C11orf65: variants seen among roughly 807,000 people sequenced by gnomAD.
The protein encoded by C11orf65 is protein MFI.
A neutral mutation model predicts 35.3 loss-of-function variants in C11orf65; 38 were observed. That is an observed-to-expected ratio of 1.08 (90% CI 0.83 to 1.41). The LOEUF (loss-of-function observed/expected upper bound fraction) is 1.41. C11orf65 is among the 40% of genes most tolerant of loss of function. The pLI is 0.00. For missense variants in C11orf65, 370 were observed against 367.1 expected (o/e 1.01, Z -0.06); for synonymous variants, 105 against 114.4 (o/e 0.92, Z 0.53).
intron 2 of C11orf65, among the ~76,000 whole-genome samples, chr11:108,356,666 G>A (rs1054999177): frequency 6.6e-6 from 1 of 152,006 alleles, no homozygotes; most frequent in Non-Finnish European, 1.5e-5. Context: ...GGTGGATTTG[G>A]GAGTTTCTTC....
chr11:108,394,179 CAAAAAA>C (rs11387098), intron 6 of C11orf65, among the ~76,000 whole-genome samples: 1 of 82,662 alleles, frequency 1.2e-5, no homozygotes, highest in Admixed American at 1.4e-4. Context: ...GACTCCATCT[CAAAAAA>C]AAAAAAAAAA....
At chr11:108,427,441 G>C (rs1204681355) in intron 3 of C11orf65, among the ~76,000 whole-genome samples, 3 of 152 alleles carry the variant, frequency 0.02, no homozygotes, top group African/African-American at 0.083. Context: ...AAAAAGCTCG[G>C]CCGGGCGCGG....
At chr11:108,467,259 G>A (rs1383669869) in intron 1 of C11orf65, among the ~76,000 whole-genome samples, 2 of 152,236 alleles carry the variant, frequency 1.3e-5, no homozygotes, top group African/African-American at 2.4e-5. Flanking sequence ...CTGAGGAAGG[G>A]GTTACTCCCG....
intron 6 of C11orf65, chr11:108,325,578 C>G (rs770271751): frequency 6.6e-7 from 1 of 1,505,588 alleles, no homozygotes; most frequent in Non-Finnish European, 9.2e-7. Context: ...CATCTTACCT[C>G]TTGACTTTCC....
At chr11:108,465,693 A>T (rs72992182) in intron 1 of C11orf65, among the ~76,000 whole-genome samples, 29,751 of 128,840 alleles carry the variant, frequency 0.23, 3,350 homozygotes, top group African/African-American at 0.34. Context: ...GTTTTTTTTT[A>T]AAAAAAAAAG....
intron 2 of C11orf65, among the ~76,000 whole-genome samples, chr11:108,351,752 T>C (rs762083474): frequency 6.6e-6 from 1 of 152,246 alleles, no homozygotes; most frequent in African/African-American, 2.4e-5. Context: ...TGTCATCACA[T>C]AGTCATGTCA....
At chr11:108,346,204 A>G (rs2088368702) in intron 2 of C11orf65, among the ~76,000 whole-genome samples, 1 of 152,100 alleles carries the variant, frequency 6.6e-6, no homozygotes, top group East Asian at 1.9e-4. Context: ...TCCTCTCAAT[A>G]TATTATTTTC....
intron 2 of C11orf65, among the ~76,000 whole-genome samples, chr11:108,371,650 A>G (rs2091579615): frequency 1.3e-5 from 2 of 152,208 alleles, no homozygotes; most frequent in African/African-American, 4.8e-5. Context: ...CCATCAGTGG[A>G]TACTAGAGTT....
Position 108,316,066 on chromosome 11 carries a change from C to T in C11orf65, c.641-6995G>A, listed in dbSNP as rs1591779081. On this transcript the variant is annotated intron_variant, in intron 6 of 6. Transcript: ENST00000525729. ...GGGCAAAGCCCTAGTAACATATGAC[C>T]TCGAAACAGCAATCCCCTCATCAAC... 2 of 1,614,096 alleles carry T rather than the reference C, an allele frequency of 1.2e-6. No homozygotes were observed. The highest frequency in any genetic ancestry group is 1.7e-6 in the Non-Finnish European group (2 of 1,180,010).
chr11:108,364,840 C>T (rs1350639570), intron 2 of C11orf65, among the ~76,000 whole-genome samples: 3 of 152,156 alleles, frequency 2.0e-5, no homozygotes, highest in Non-Finnish European at 4.4e-5. Context: ...AGTCAGGAAA[C>T]ATGGGTCAAG....
chr11:108,453,989 A>G (rs2093383076), intron 2 of C11orf65, among the ~76,000 whole-genome samples: 1 of 152,140 alleles, frequency 6.6e-6, no homozygotes, highest in Non-Finnish European at 1.5e-5. Flanking sequence ...TTTCTTCTTT[A>G]AATATTTAGT....
intron 2 of C11orf65, among the ~76,000 whole-genome samples, chr11:108,440,981 G>A (rs1479444292): frequency 6.6e-6 from 1 of 152,194 alleles, no homozygotes; most frequent in Non-Finnish European, 1.5e-5. Flanking sequence ...TTGTCAGACA[G>A]TGGGTGCAGC....
intron 6 of C11orf65, among the ~76,000 whole-genome samples, chr11:108,318,384 A>T (rs761323337): frequency 1.4e-4 from 21 of 151,520 alleles, no homozygotes; most frequent in Non-Finnish European, 2.9e-4. Flanking sequence ...TAAAATAAAA[A>T]AAATAATATG....
chr11:108,355,829 T>C (rs1043851092), intron 2 of C11orf65: 3 of 152,238 alleles, frequency 2.0e-5, no homozygotes, highest in African/African-American at 7.2e-5. Flanking sequence ...CTGTGGTCAA[T>C]AAGGGTGGGG....
At chr11:108,334,039 T>G in intron 3 of C11orf65, 1 of 1,216,952 alleles carries the variant, frequency 8.2e-7, no homozygotes, top group Non-Finnish European at 1.2e-6. Context: ...TTTGAAATAG[T>G]ATTTTTATGT....
At chr11:108,416,357 G>A (rs965259431) in intron 3 of C11orf65, among the ~76,000 whole-genome samples, 2 of 152,202 alleles carry the variant, frequency 1.3e-5, no homozygotes, top group South Asian at 2.1e-4. Flanking sequence ...GATGGTCAAC[G>A]TTGTATGTCA....
At chr11:108,379,074 C>T (rs990115239), downstream of C11orf65, among the ~76,000 whole-genome samples, 3 of 152,058 alleles carry the variant, frequency 2.0e-5, no homozygotes, top group Admixed American at 6.5e-5. Context: ...TGTGGCGATT[C>T]CTCGGGGATC....
At chr11:108,454,748 C>T (rs1047385162) in intron 2 of C11orf65, among the ~76,000 whole-genome samples, 1 of 152,178 alleles carries the variant, frequency 6.6e-6, no homozygotes, top group Admixed American at 6.6e-5. Context: ...ACGTGTGCCA[C>T]CACACCTGAT....
At chr11:108,465,994 AAAACAAC>A (rs1217193564) in intron 1 of C11orf65, among the ~76,000 whole-genome samples, 1 of 147,946 alleles carries the variant, frequency 6.8e-6, no homozygotes, top group Non-Finnish European at 1.5e-5. Flanking sequence ...AAAAAAAAAA[AAAACAAC>A]AACAACAACA....
Sources: allele counts gnomAD v4.1 joint callset (sites outside exome capture counted in the v4.1 genomes callset), GRCh38; gene constraint gnomAD v4.1.1; transcripts MANE v1.5; gene names NCBI Gene and HGNC (gene_info 2026-07-23, HGNC 2026-07-21).